The following SYCE1 variants were observed in gnomAD, a reference collection of about 807,000 sequenced individuals.
The protein encoded by SYCE1 is synaptonemal complex central element protein 1.
In SYCE1, 37 loss-of-function variants were observed where a neutral mutation model predicts 55.1. That is an observed-to-expected ratio of 0.67 (90% CI 0.52 to 0.88). The LOEUF (loss-of-function observed/expected upper bound fraction) is 0.88. SYCE1 is among the 40% of genes least tolerant of loss of function. SYCE1 has a pLI of 0.00. For missense variants in SYCE1, 399 were observed against 416.4 expected (o/e 0.96, Z 0.36); for synonymous variants, 163 against 159.4 (o/e 1.02, Z -0.17).
upstream of SYCE1, among the ~76,000 whole-genome samples, chr10:133,566,473 T>C (rs565879875): frequency 6.8e-6 from 1 of 147,194 alleles, no homozygotes; most frequent in East Asian, 2.0e-4. Flanking sequence ...AGTTTTGGGG[T>C]TAGGAGTGGG....
intron 7 of SYCE1, 32 bp from the exon 8 acceptor site, chr10:133,556,854 G>C (rs754246300): frequency 4.4e-6 from 7 of 1,604,120 alleles, no homozygotes; most frequent in Middle Eastern, 3.3e-4. Flanking sequence ...GAGGGGATAT[G>C]GGCTGAAATC....
chr10:133,559,074 G>A, intron 3 of SYCE1, 123 bp from the exon 4 acceptor site: 1 of 1,098,818 alleles, frequency 9.1e-7, no homozygotes, highest in East Asian at 2.5e-5. Context: ...TAGGAAACGA[G>A]GCTTCCAGCT....
Position 133,564,498 on chromosome 10 carries a change from G to A in SYCE1, c.73+959C>T, listed in dbSNP as rs909741720. On this transcript the variant is annotated intron_variant, in intron 1 of 12. Transcript: ENST00000343131. ...TGCTTAATGAAAGGGATACGTTTGC[G>A]TCTGTCCTGTTTACTTGCTTTGTCC... The A allele has an allele frequency of 3.3e-6, 3 of 906,404 alleles. No homozygotes were observed. In the African/African-American group the frequency reaches 5.4e-5, roughly 16 times the overall value. The allele number at this position is 906,404 out of a possible 1,614,324, so 56.1% of individuals were successfully genotyped here.
Position 133,560,129 on chromosome 10 carries a change from AT to A in SYCE1, c.97del (p.Ile33LeufsTer4). The A allele has an allele frequency of 6.2e-7, 1 of 1,613,962 alleles. No individual in the cohort carries two copies. Among genetic ancestry groups the A allele is most frequent in the Non-Finnish European group, 8.5e-7 (1 of 1,179,984 alleles). The stretch of plus-strand genomic sequence containing the variant: ...TTGCACCATTTCCATCAAGTCTTCA[AT>A]TTTCTGTGAGGACGTGTCCTGCCCT... ...AGGQDTSSQK[I>X]EDLMEMVQKL... is the part of the protein sequence containing the mutation. On this transcript the variant is annotated frameshift_variant, in exon 2 of 13. Transcript: ENST00000343131. LOFTEE classifies it high-confidence loss of function.
At chr10:133,556,587 C>T in intron 8 of SYCE1, 172 bp downstream of exon 8, 1 of 688,694 alleles carries the variant, frequency 1.5e-6, no homozygotes, top group Non-Finnish European at 2.6e-6. Flanking sequence ...GACCACTGAG[C>T]AGCAGGGTCA....
chr10:133,564,999 C>A (rs1435920072), intron 1 of SYCE1, among the ~76,000 whole-genome samples: 1 of 149,790 alleles, frequency 6.7e-6, no homozygotes, highest in Admixed American at 6.7e-5. Context: ...TGGAGTCGGC[C>A]TCCCCCGGCT....
intron 1 of SYCE1, chr10:133,564,543 T>TAGG (rs1230292397): frequency 2.2e-6 from 1 of 462,224 alleles, no homozygotes; most frequent in African/African-American, 2.1e-5. Context: ...GCTTTCACTG[T>TAGG]GCCACATCTC....
chr10:133,565,080 G>A (rs1851895394), intron 1 of SYCE1, among the ~76,000 whole-genome samples: 1 of 152,162 alleles, frequency 6.6e-6, no homozygotes. Context: ...TGGGAAATCT[G>A]GACACTTGCT....
rs7918730 is a variant in SYCE1 at position 133,555,888 on chromosome 10, G to C, written c.611C>G (p.Ala204Gly). The C allele has an allele frequency of 3.1e-6, 5 of 1,613,946 alleles. No individual in the cohort carries two copies. Among genetic ancestry groups the C allele is most frequent in the Non-Finnish European group, 3.4e-6 (4 of 1,179,918 alleles). ...QLLKEEKLVK[A>G]TLEDVKHQLC... ...CTGATGCTTCACGTCTTCCAGTGTC[G>C]CCTTGACCAGCTTCTCTGCAGCACA... Residue 204 changes from alanine to glycine, a missense_variant, in exon 10 of 13, where the codon GCG (alanine) becomes GGG (glycine). Ala to Gly is a moderately conservative substitution (Grantham distance 60). Transcript: ENST00000343131.
At chr10:133,566,570 G>A (rs1272795009), upstream of SYCE1, among the ~76,000 whole-genome samples, 1 of 107,096 alleles carries the variant, frequency 9.3e-6, no homozygotes, top group Non-Finnish European at 2.0e-5. Flanking sequence ...GGTAGGGGTA[G>A]GGTTTTACGG....
Position 133,559,316 on chromosome 10 carries a change from T to C in SYCE1, c.181A>G (p.Asn61Asp), listed in dbSNP as rs1197548066. The C allele has an allele frequency of 6.2e-7, 1 of 1,614,158 alleles. No homozygotes were observed. Among genetic ancestry groups the C allele is most frequent in the African/African-American group, 1.3e-5 (1 of 75,034 alleles). Reference sequence around the variant, plus strand: ...CTGAACTCACCTTGCTGGACCTCATTAATCCGGTTAATCAGGACCTCAACT... The same window carrying C: ...CTGAACTCACCTTGCTGGACCTCATCAATCCGGTTAATCAGGACCTCAACT... Reference protein sequence around the residue: ...PRVEVLINRINEVQQAKKKAN... With the variant: ...PRVEVLINRIDEVQQAKKKAN... The change falls in exon 3 of 13, where the codon AAT (asparagine) becomes GAT (aspartate). Residue 61 changes from asparagine to aspartate, a missense_variant. Asn to Asp is a conservative substitution (Grantham distance 23). Coordinates refer to ENST00000343131, the MANE Select transcript of SYCE1 (RefSeq NM_001143764.3).
chr10:133,555,540 A>G, intron 11 of SYCE1, 57 bp downstream of exon 11: 1 of 1,605,354 alleles, frequency 6.2e-7, no homozygotes, highest in Admixed American at 1.7e-5. Context: ...GAGAGAGGAG[A>G]TACAACATCA....
chr10:133,563,534 A>T (rs11101838), intron 1 of SYCE1, among the ~76,000 whole-genome samples: 16,602 of 151,824 alleles, frequency 0.11, 895 homozygotes, highest in East Asian at 0.25. Flanking sequence ...TAAAAAATTT[A>T]AAAAAATTAT....
upstream of SYCE1, chr10:133,568,202 C>G: frequency 1.8e-6 from 2 of 1,129,254 alleles, no homozygotes; most frequent in Non-Finnish European, 2.6e-6. Flanking sequence ...GCTGTAGATG[C>G]CGAGCCGGTC....
At chr10:133,568,253 C>G (rs772575256), upstream of SYCE1, 6 of 1,422,710 alleles carry the variant, frequency 4.2e-6, no homozygotes, top group Middle Eastern at 1.7e-4. Flanking sequence ...TCCTCCAGGC[C>G]GCGTTCCCCG....
chr10:133,559,277 G>A, intron 3 of SYCE1, 24 bp downstream of exon 3: 12 of 1,613,424 alleles, frequency 7.4e-6, no homozygotes, highest in Non-Finnish European at 1.0e-5. Flanking sequence ...GGTCCTAGCT[G>A]GCAGCCAAGG....
intron 6 of SYCE1, 158 bp downstream of exon 6, chr10:133,557,706 C>A: frequency 1.4e-6 from 1 of 732,102 alleles, no homozygotes; most frequent in South Asian, 1.8e-5. Flanking sequence ...AACACTACTG[C>A]CAGCTGTTGG....
At chr10:133,561,105 C>T (rs1229154117) in intron 1 of SYCE1, 1 of 152,136 alleles carries the variant, frequency 6.6e-6, no homozygotes, top group Non-Finnish European at 1.5e-5. Context: ...AGCATAAAAC[C>T]AACCTGTGCT....
chr10:133,556,527 C>G, intron 8 of SYCE1: 1 of 591,580 alleles, frequency 1.7e-6, no homozygotes, highest in South Asian at 2.0e-5. Context: ...CCAGACACAT[C>G]CACGGACAGT....
Sources: gnomAD v4.1 joint callset for allele counts (sites outside exome capture counted in the v4.1 genomes callset) on GRCh38, gnomAD v4.1.1 for gene constraint, MANE v1.5 for transcripts, NCBI Gene and HGNC (gene_info 2026-07-23, HGNC 2026-07-21) for gene names.